DLK1: variants seen among roughly 807,000 people sequenced by gnomAD.
DLK1 encodes the protein delta like non-canonical Notch ligand 1, also known as protein delta homolog 1.
In DLK1, 9 loss-of-function variants were observed where a neutral mutation model predicts 35.2. The ratio of observed to expected loss-of-function variants is 0.26; its 90% confidence interval spans 0.15 to 0.45. The LOEUF is 0.45. DLK1 is among the 20% of genes least tolerant of loss of function. The pLI is 1.00. For missense variants in DLK1, 522 were observed against 528.5 expected, an observed-to-expected ratio of 0.99 and a Z score of 0.12; for synonymous variants, 231 against 228.4, an observed-to-expected ratio of 1.01 and a Z score of -0.10.
In DLK1 at chr14:100,727,144, C is replaced by A; in HGVS notation, c.67+9C>A. 1 of 1,568,246 alleles carries A rather than the reference C, an allele frequency of 6.4e-7. No homozygotes were observed. The highest frequency in any genetic ancestry group is 8.6e-7 in the Non-Finnish European group (1 of 1,157,466). On this transcript the variant is annotated intron_variant, in intron 1 of 4. Coordinates refer to ENST00000341267, the MANE Select transcript of DLK1 (RefSeq NM_003836.7). ...CGGCCACAGCACCTATGGTGAGTTC[C>A]CCGGCGGCCCGGCTCGCGCCCCCTC...
At chr14:100,731,825 C>T (rs2036510146) in intron 3 of DLK1, among the ~76,000 whole-genome samples, 1 of 152,194 alleles carries the variant, frequency 6.6e-6, no homozygotes, top group Non-Finnish European at 1.5e-5. Flanking sequence ...TATCAGTGGC[C>T]ACGACTTTCT....
chr14:100,734,306 A>G lies in DLK1; in HGVS notation c.562A>G (p.Ile188Val). 2 of 1,613,330 alleles carry G rather than the reference A, an allele frequency of 1.2e-6. No individual in the cohort carries two copies. Among genetic ancestry groups the G allele is most frequent in the African/African-American group, 1.3e-5 (1 of 75,044 alleles). The change falls in exon 5 of 5, where the codon ATT (isoleucine) becomes GTT (valine). Residue 188 changes from isoleucine to valine, a missense_variant. Ile to Val is a conservative substitution (Grantham distance 29). Coordinates refer to ENST00000341267, the MANE Select transcript of DLK1 (RefSeq NM_003836.7). The surrounding 1 kb of genome is among the most constrained non-coding windows in gnomAD (Gnocchi z 7.4). ...PCENDGVCTD[I>V]GGDFRCRCPA... ...CGAGAACGACGGCGTCTGCACTGAC[A>G]TTGGGGGCGACTTCCGCTGCCGGTG... is the stretch of plus-strand genomic sequence containing the variant.
intron 3 of DLK1, among the ~76,000 whole-genome samples, chr14:100,731,165 G>T (rs2139861017): frequency 6.6e-6 from 1 of 152,316 alleles, no homozygotes; most frequent in African/African-American, 2.4e-5. Flanking sequence ...GCTGCCACAT[G>T]GCAGCAGGCC....
At position 100,736,293 on chromosome 14, in the gene DLK1, T is replaced by C. The variant is rs1247235832; in HGVS notation, c.*1397T>C. The C allele has an allele frequency of 6.6e-6, 1 of 152,084 alleles. No individual in the cohort carries two copies. The highest frequency in any genetic ancestry group is 1.5e-5 in the Non-Finnish European group (1 of 68,012). 9.4% of individuals were successfully genotyped at this position (152,084 alleles called of 1,614,324 possible). A position where few individuals can be genotyped will look rare whatever the true frequency, so the allele number is the denominator to read the frequency against. On this transcript the variant is annotated 3_prime_UTR_variant, in exon 5 of 5. Transcript: ENST00000341267. ...AGCTAAACAGCCCTTGGGTACCAGATAGGAATATTTTGCTTCTTAGATTAT... is the reference window on the plus strand; with the variant it reads ...AGCTAAACAGCCCTTGGGTACCAGACAGGAATATTTTGCTTCTTAGATTAT...
chr14:100,728,541 G>T, intron 2 of DLK1, 82 bp downstream of exon 2: 1 of 1,472,022 alleles, frequency 6.8e-7, no homozygotes, highest in South Asian at 1.1e-5. Context: ...GAAAAAAATA[G>T]GGGGCTTGGC....
At chr14:100,731,477 C>T (rs1466619852) in intron 3 of DLK1, among the ~76,000 whole-genome samples, 2 of 152,148 alleles carry the variant, frequency 1.3e-5, no homozygotes, top group Non-Finnish European at 2.9e-5. Context: ...ACCACAGGGA[C>T]ACGTGGTAGT....
In DLK1 at chr14:100,728,884, T is replaced by C. The variant is rs377347013; in HGVS notation, c.132-52T>C. Reference sequence around the variant, plus strand: ...CACAGAAAGTAGCCTGAGCTGCCTCTCTACCCCTGCCCTCTTCATATGTCC... The same window carrying C: ...CACAGAAAGTAGCCTGAGCTGCCTCCCTACCCCTGCCCTCTTCATATGTCC... On this transcript the variant is annotated intron_variant, in intron 2 of 4. Transcript: ENST00000341267. 134 of 1,598,498 alleles carry C rather than the reference T, an allele frequency of 8.4e-5. No individual in the cohort carries two copies. In the African/African-American group the frequency reaches 1.7e-3, roughly 20 times the overall value.
At chr14:100,732,233 C>T (rs777787958) in intron 4 of DLK1, 50 bp downstream of exon 4, 2 of 1,583,934 alleles carry the variant, frequency 1.3e-6, no homozygotes, top group Admixed American at 3.5e-5. Context: ...TTTCATGCGG[C>T]CACCAAAGAC....
intron 1 of DLK1, 131 bp downstream of exon 1, chr14:100,727,266 C>T: frequency 1.0e-6 from 1 of 968,294 alleles, no homozygotes; most frequent in Non-Finnish European, 1.4e-6. Context: ...CTAAGCCCCG[C>T]GCTGTGCCTG....
At chr14:100,728,683 C>T in intron 2 of DLK1, 3 of 613,304 alleles carry the variant, frequency 4.9e-6, no homozygotes, top group Non-Finnish European at 8.5e-6. Context: ...GCAGGTGGGA[C>T]CACTGCAGGC....
In DLK1 at chr14:100,735,652, T is replaced by C. The variant is rs1184517560; in HGVS notation, c.*756T>C. On this transcript the variant is annotated 3_prime_UTR_variant, in exon 5 of 5. Coordinates refer to ENST00000341267, the MANE Select transcript of DLK1 (RefSeq NM_003836.7). Reference sequence around the variant, plus strand: ...AGGGGGTATGAACCAAAACACTTCCTGACCCCAACAATTGGGATCTGATGA... The same window carrying C: ...AGGGGGTATGAACCAAAACACTTCCCGACCCCAACAATTGGGATCTGATGA... 6.6e-6 allele frequency: 1 copy of C among 152,230 alleles called. No homozygotes were observed. Among genetic ancestry groups the C allele is most frequent in the Non-Finnish European group, 1.5e-5 (1 of 68,048 alleles). 9.4% of individuals were successfully genotyped at this position (152,230 alleles called of 1,614,324 possible). A position where few individuals can be genotyped will look rare whatever the true frequency, so the allele number is the denominator to read the frequency against.
Position 100,735,174 on chromosome 14 carries a change from T to G in DLK1, c.*278T>G, listed in dbSNP as rs2139866111. 3.0e-6 allele frequency: 1 copy of G among 337,922 alleles called. No individual in the cohort carries two copies. The allele number at this position is 337,922 out of a possible 1,614,324, so 20.9% of individuals were successfully genotyped here. Reference sequence around the variant, plus strand: ...TCTAAAATCTAAACTCAAATGAAATTTCAAAAAAGACCAAAAAAAAACAAG... The same window carrying G: ...TCTAAAATCTAAACTCAAATGAAATGTCAAAAAAGACCAAAAAAAAACAAG... On this transcript the variant is annotated 3_prime_UTR_variant, in exon 5 of 5. Coordinates refer to ENST00000341267, the MANE Select transcript of DLK1 (RefSeq NM_003836.7).
chr14:100,737,926 A>T lies in DLK1; in HGVS notation c.*3030A>T, dbSNP rs888547116. On this transcript the variant is annotated 3_prime_UTR_variant, in exon 5 of 5. Transcript: ENST00000341267. ...CACGTCATGCAGAAATGGTCATTCC[A>T]TGTTCTATGGCCACCAGATTCTGCT... 1 of 152,016 alleles carries T rather than the reference A, an allele frequency of 6.6e-6. No individual in the cohort carries two copies. Among genetic ancestry groups the T allele is most frequent in the Non-Finnish European group, 1.5e-5 (1 of 67,992 alleles). 9.4% of individuals were successfully genotyped at this position (152,016 alleles called of 1,614,324 possible).
In DLK1 at chr14:100,734,182, T is replaced by G. The variant is rs1441193612; in HGVS notation, c.438T>G (p.Asp146Glu). The G allele has an allele frequency of 6.2e-7, 1 of 1,612,018 alleles. No individual in the cohort carries two copies. ...GCCAGCACGGAGGCACCTGCGTGGATGATGAGGGCCGGGCCTCCCATGCCT... is the reference window on the plus strand; with the variant it reads ...GCCAGCACGGAGGCACCTGCGTGGAGGATGAGGGCCGGGCCTCCCATGCCT... Reference protein sequence around the residue: ...SPCQHGGTCVDDEGRASHASC... With the variant: ...SPCQHGGTCVEDEGRASHASC... The change falls in exon 5 of 5, where the codon GAT (aspartate) becomes GAG (glutamate). Residue 146 changes from aspartate to glutamate, a missense_variant. Coordinates refer to ENST00000341267, the MANE Select transcript of DLK1 (RefSeq NM_003836.7). The surrounding 1 kb of genome is among the most constrained non-coding windows in gnomAD (Gnocchi z 7.4).
chr14:100,729,183 T>TCCGTG, intron 3 of DLK1, 117 bp downstream of exon 3: 1 of 1,497,022 alleles, frequency 6.7e-7, no homozygotes, highest in Non-Finnish European at 9.1e-7. Flanking sequence ...TCCTGCACAC[T>TCCGTG]CCGTGCCCTG....
chr14:100,734,178 T>G lies in DLK1; in HGVS notation c.434T>G (p.Val145Gly). 1 of 1,611,946 alleles carries G rather than the reference T, an allele frequency of 6.2e-7. No homozygotes were observed. Among genetic ancestry groups the G allele is most frequent in the Non-Finnish European group, 8.5e-7 (1 of 1,179,456 alleles). The change falls in exon 5 of 5, where the codon GTG (valine) becomes GGG (glycine). Residue 145 changes from valine (V) to glycine (G), a missense_variant. Coordinates refer to ENST00000341267, the MANE Select transcript of DLK1 (RefSeq NM_003836.7). The surrounding 1 kb of genome is among the most constrained non-coding windows in gnomAD (Gnocchi z 7.4). The part of the protein sequence containing the change: ...GSPCQHGGTC[V>G]DDEGRASHAS... Reference sequence around the variant, plus strand: ...CCCTGCCAGCACGGAGGCACCTGCGTGGATGATGAGGGCCGGGCCTCCCAT... The same window carrying G: ...CCCTGCCAGCACGGAGGCACCTGCGGGGATGATGAGGGCCGGGCCTCCCAT...
chr14:100,734,085 T>C lies in DLK1; in HGVS notation c.405-64T>C. On this transcript the variant is annotated intron_variant, in intron 4 of 4. Coordinates refer to ENST00000341267, the MANE Select transcript of DLK1 (RefSeq NM_003836.7). The surrounding 1 kb of genome is among the most constrained non-coding windows in gnomAD (Gnocchi z 7.4). Reference sequence around the variant, plus strand: ...CAGGGACCTTCTGCCCTGAGCCCCGTGCCCTGCAGCGCTGTTGTAGCCTAG... The same window carrying C: ...CAGGGACCTTCTGCCCTGAGCCCCGCGCCCTGCAGCGCTGTTGTAGCCTAG... 6.6e-7 allele frequency: 1 copy of C among 1,522,654 alleles called. No homozygotes were observed. The highest frequency in any genetic ancestry group is 2.3e-5 in the East Asian group (1 of 44,120). 94.3% of individuals were successfully genotyped at this position (1,522,654 alleles called of 1,614,324 possible).
chr14:100,730,512 G>T (rs1056792301), intron 3 of DLK1, among the ~76,000 whole-genome samples: 1 of 152,170 alleles, frequency 6.6e-6, no homozygotes, highest in African/African-American at 2.4e-5. Context: ...TGAGGCTGTC[G>T]TGGCCACAGC....
At chr14:100,728,238 A>C (rs1344818071) in intron 1 of DLK1, among the ~76,000 whole-genome samples, 158 bp from the exon 2 acceptor site, 2 of 152,138 alleles carry the variant, frequency 1.3e-5, no homozygotes, top group African/African-American at 4.8e-5. Context: ...AGCCCCATCC[A>C]TGCTCGGATA....
Sources: allele counts gnomAD v4.1 joint callset (sites outside exome capture counted in the v4.1 genomes callset), GRCh38; gene constraint gnomAD v4.1.1; non-coding constraint Gnocchi (gnomAD v3.1); transcripts MANE v1.5; gene names NCBI Gene and HGNC (gene_info 2026-07-23, HGNC 2026-07-21).